CPA6: variants seen among roughly 807,000 people sequenced by gnomAD.
CPA6 encodes carboxypeptidase A6, also known as carboxypeptidase B.
A neutral mutation model predicts 63.3 loss-of-function variants in CPA6; 58 were observed. The ratio of observed to expected loss-of-function variants is 0.92; its 90% confidence interval spans 0.74 to 1.14. CPA6 has a LOEUF of 1.14. Ranked by LOEUF, CPA6 falls within the 50% of genes most tolerant of loss-of-function variation. CPA6 has a pLI of 0.00. For missense variants in CPA6, 565 were observed against 526.6 expected (o/e 1.07, Z -0.71); for synonymous variants, 185 against 179.0 (o/e 1.03, Z -0.27).
At chr8:67,530,628 A>T (rs1812458534) in intron 2 of CPA6, among the ~76,000 whole-genome samples, 1 of 152,230 alleles carries the variant, frequency 6.6e-6, no homozygotes, top group African/African-American at 2.4e-5. Flanking sequence ...AACGCCAACT[A>T]GAGCTGTAAG....
chr8:67,744,912 A>C (rs982648429), intron 1 of CPA6, among the ~76,000 whole-genome samples: 3 of 152,184 alleles, frequency 2.0e-5, no homozygotes, highest in African/African-American at 7.2e-5. Flanking sequence ...AAAACTGAGG[A>C]CATGTTTCCA....
At chr8:67,439,826 A>C (rs1023116929) in intron 8 of CPA6, among the ~76,000 whole-genome samples, 1 of 152,140 alleles carries the variant, frequency 6.6e-6, no homozygotes, top group Non-Finnish European at 1.5e-5. Flanking sequence ...AGGTCTTGCT[A>C]TGTTGCCCAG....
chr8:67,567,224 T>A (rs1813359651), intron 2 of CPA6, among the ~76,000 whole-genome samples: 1 of 152,152 alleles, frequency 6.6e-6, no homozygotes. Context: ...TTATGGGATA[T>A]CAGATACATG....
chr8:67,671,186 A>C (rs976287233), intron 1 of CPA6, among the ~76,000 whole-genome samples: 9 of 152,238 alleles, frequency 5.9e-5, no homozygotes, highest in Non-Finnish European at 1.2e-4. Context: ...AATCACCTCA[A>C]TCTTGCTGAT....
At chr8:67,436,858 T>A (rs1379463389) in intron 8 of CPA6, among the ~76,000 whole-genome samples, 1 of 152,178 alleles carries the variant, frequency 6.6e-6, no homozygotes, top group African/African-American at 2.4e-5. Flanking sequence ...AAATGATAAT[T>A]CTCTCCATAA....
chr8:67,660,170 G>A (rs539162579), intron 1 of CPA6, among the ~76,000 whole-genome samples: 2 of 152,208 alleles, frequency 1.3e-5, no homozygotes, highest in East Asian at 3.9e-4. Flanking sequence ...GAAAACCTAA[G>A]TCTGATTCAC....
At chr8:67,603,811 C>T (rs1474850767) in intron 2 of CPA6, among the ~76,000 whole-genome samples, 9 of 152,214 alleles carry the variant, frequency 5.9e-5, no homozygotes, top group Admixed American at 3.9e-4. Context: ...CAAACTAAAA[C>T]TGCAGTTCTG....
intron 8 of CPA6, among the ~76,000 whole-genome samples, chr8:67,469,281 G>A (rs13276447): frequency 0.38 from 58,049 of 151,924 alleles, 11,418 homozygotes; most frequent in African/African-American, 0.48. Context: ...TAAAGTGGGT[G>A]GGCCTCATCC....
intron 1 of CPA6, among the ~76,000 whole-genome samples, chr8:67,631,303 A>C (rs956013486): frequency 6.6e-6 from 1 of 152,156 alleles, no homozygotes; most frequent in Non-Finnish European, 1.5e-5. Flanking sequence ...TATCTAGCTA[A>C]TCTGGTGGGG....
At chr8:67,643,232 G>A (rs1240281933) in intron 1 of CPA6, among the ~76,000 whole-genome samples, 2 of 152,084 alleles carry the variant, frequency 1.3e-5, no homozygotes, top group African/African-American at 4.8e-5. Flanking sequence ...GTTTCTCAAT[G>A]GAATTTCCAC....
intron 1 of CPA6, among the ~76,000 whole-genome samples, chr8:67,710,897 T>C (rs1817246035): frequency 6.6e-6 from 1 of 152,216 alleles, no homozygotes; most frequent in Non-Finnish European, 1.5e-5. Flanking sequence ...ATATAAATCA[T>C]AAGATAGAGT....
At chr8:67,523,465 C>A (rs1812300758) in intron 2 of CPA6, among the ~76,000 whole-genome samples, 1 of 152,018 alleles carries the variant, frequency 6.6e-6, no homozygotes, top group Non-Finnish European at 1.5e-5. Context: ...GGAGGCAGAG[C>A]TTGCAGTGAG....
In CPA6 at chr8:67,566,700, C is replaced by T. The variant is rs1286350209; in HGVS notation, c.193-48653G>A. 2.0e-5 allele frequency among the ~76,000 whole-genome samples: 3 copies of T among 152,192 alleles called. 1 individual carries two copies. Among genetic ancestry groups the T allele is most frequent in the Non-Finnish European group, 4.4e-5 (3 of 68,036 alleles). ...CTAGCTGCATGCTGCACCCTCACCA[C>T]CAAACCCTAACCCTAGATCAGTATG... On this transcript the variant is annotated intron_variant, in intron 2 of 10. Coordinates refer to ENST00000297770, the MANE Select transcript of CPA6 (RefSeq NM_020361.5).
chr8:67,517,364 C>T (rs967878692), intron 3 of CPA6, among the ~76,000 whole-genome samples: 5 of 152,198 alleles, frequency 3.3e-5, no homozygotes, highest in Admixed American at 1.3e-4. Flanking sequence ...CCCTTCACCC[C>T]GCCCCACTAA....
chr8:67,733,402 G>A (rs1168427660), intron 1 of CPA6, among the ~76,000 whole-genome samples: 1 of 150,938 alleles, frequency 6.6e-6, no homozygotes, highest in African/African-American at 2.5e-5. Flanking sequence ...ATGCTACACG[G>A]GCTTCCACCT....
At chr8:67,721,195 A>G (rs1273739781) in intron 1 of CPA6, among the ~76,000 whole-genome samples, 3 of 152,232 alleles carry the variant, frequency 2.0e-5, no homozygotes, top group Non-Finnish European at 4.4e-5. Flanking sequence ...GGCTACGCCC[A>G]TTAGGTTACA....
intron 2 of CPA6, among the ~76,000 whole-genome samples, chr8:67,593,104 C>T (rs1338771763): frequency 3.3e-5 from 5 of 150,130 alleles, no homozygotes; most frequent in Non-Finnish European, 7.4e-5. Flanking sequence ...TCGTTGGTTT[C>T]AAAGAACATC....
At chr8:67,684,589 A>T (rs1343820005) in intron 1 of CPA6, among the ~76,000 whole-genome samples, 5 of 152,174 alleles carry the variant, frequency 3.3e-5, no homozygotes, top group African/African-American at 1.2e-4. Flanking sequence ...CTCCAGCTCA[A>T]GATTGGCCGG....
chr8:67,448,607 G>A (rs910888992), intron 8 of CPA6, among the ~76,000 whole-genome samples: 1 of 121,472 alleles, frequency 8.2e-6, no homozygotes, highest in African/African-American at 3.9e-5. Flanking sequence ...ATTCCAGCCT[G>A]GGTGACAGAG....
Sources: allele counts gnomAD v4.1 joint callset (sites outside exome capture counted in the v4.1 genomes callset), GRCh38; gene constraint gnomAD v4.1.1; transcripts MANE v1.5; gene names NCBI Gene and HGNC (gene_info 2026-07-23, HGNC 2026-07-21).